CAD: variants seen among roughly 807,000 people sequenced by gnomAD.
CAD encodes multifunctional protein CAD.
A neutral mutation model predicts 237.2 loss-of-function variants in CAD; 81 were observed. The ratio of observed to expected loss-of-function variants is 0.34; its 90% CI spans 0.29 to 0.41. The LOEUF (loss-of-function observed/expected upper bound fraction) is 0.41. Ranked by LOEUF, CAD falls within the 10% of genes least tolerant of loss-of-function variation. The probability of loss-of-function intolerance (pLI) is 1.00; values close to 1 mark genes in which losing one functional copy is unlikely to be tolerated. For missense variants in CAD, 2,181 were observed against 2,951.7 expected, an observed-to-expected ratio of 0.74 and a Z score of 6.05; for synonymous variants, 1,196 against 1,162.8, an observed-to-expected ratio of 1.03 and a Z score of -0.58.
At chr2:27,224,917 A>G in intron 10 of CAD, 41 bp downstream of exon 10, 5 of 1,612,500 alleles carry the variant, frequency 3.1e-6, no homozygotes, top group Non-Finnish European at 4.2e-6. Context: ...AGGACTGGGC[A>G]GGGGGGCCCA....
chr2:27,223,439 A>C (rs1675278422), intron 6 of CAD, 124 bp from the exon 7 acceptor site: 1 of 949,168 alleles, frequency 1.1e-6, no homozygotes, highest in South Asian at 1.7e-5. Context: ...TCAAAAAAAA[A>C]AAAAAAACAA....
At chr2:27,227,000 C>T (rs931258076) in intron 15 of CAD, 38 bp downstream of exon 15, 3 of 1,598,430 alleles carry the variant, frequency 1.9e-6, no homozygotes, top group African/African-American at 2.7e-5. Context: ...TGGGGCCCCA[C>T]CATGACCAAG....
intron 2 of CAD, among the ~76,000 whole-genome samples, chr2:27,219,878 C>T (rs774473103): frequency 3.3e-5 from 5 of 152,170 alleles, no homozygotes; most frequent in East Asian, 3.8e-4. Flanking sequence ...CGTGAGCCAC[C>T]GCGCCTGGCC....
chr2:27,241,315 T>G lies in CAD; in HGVS notation c.5809-7T>G. The stretch of plus-strand genomic sequence containing the variant: ...GACCTTTCTAGCTAACTTGGGCTCT[T>G]TCTTAGATGTCTCACCTGTTCAATG... On this transcript the variant is annotated splice_polypyrimidine_tract_variant and splice_region_variant and intron_variant, in intron 37 of 43. Coordinates refer to ENST00000264705, the MANE Select transcript of CAD (RefSeq NM_004341.5). This position sits in a 1 kb window ranked among gnomAD's most constrained non-coding sequence, Gnocchi z 4.6. 1.2e-6 allele frequency: 2 copies of G among 1,614,126 alleles called. No individual in the cohort carries two copies. The highest frequency in any genetic ancestry group is 1.7e-6 in the Non-Finnish European group (2 of 1,180,022).
chr2:27,221,081 T>A, intron 2 of CAD, 137 bp from the exon 3 acceptor site: 1 of 566,836 alleles, frequency 1.8e-6, no homozygotes, highest in Non-Finnish European at 2.8e-6. Flanking sequence ...GAAATACCTA[T>A]GCAAAAGCAC....
At position 27,224,854 on chromosome 2, in the gene CAD, T is replaced by C; in HGVS notation, c.1364T>C (p.Ile455Thr). ...GLADKVYFLP[I>T]TPHYVTQVIR... The stretch of plus-strand genomic sequence containing the variant: ...GCCGACAAGGTCTATTTTCTTCCCA[T>C]AACACCTCATTATGTAACCCAGGTA... The change falls in exon 10 of 44, where the codon ATA becomes ACA. Residue 455 changes from isoleucine to threonine, a missense_variant. This residue lies in a region of CAD where 174 missense variants were observed against 215.8 expected (regional missense o/e 0.81). Transcript: ENST00000264705. The C allele has an allele frequency of 1.2e-6, 2 of 1,614,166 alleles. No homozygotes were observed. The highest frequency in any genetic ancestry group is 1.7e-6 in the Non-Finnish European group (2 of 1,180,030).
intron 15 of CAD, among the ~76,000 whole-genome samples, chr2:27,229,071 A>G (rs934515897): frequency 1.1e-4 from 16 of 151,368 alleles, no homozygotes; most frequent in African/African-American, 3.4e-4. Context: ...GGCGCGCACA[A>G]CCACGCCCAG....
intron 1 of CAD, 65 bp from the exon 2 acceptor site, chr2:27,217,812 C>A: frequency 6.6e-7 from 1 of 1,525,510 alleles, no homozygotes; most frequent in Non-Finnish European, 8.8e-7. Flanking sequence ...CTGGGGCGTG[C>A]TCATCGCGCG....
In CAD at chr2:27,224,369, T is replaced by A; in HGVS notation, c.1133T>A (p.Leu378His). ...GTTAGAGAGCGGCTGACTGAGCGCC[T>A]CTGTCCCCCTGGGATTCCCACTCCC... ...QTVRERLTER[L>H]CPPGIPTPGS... The change falls in exon 9 of 44, where the codon CTC (leucine) becomes CAC (histidine). Residue 378 changes from leucine to histidine, a missense_variant. Around this residue, in one of 12 missense-constraint regions of CAD, gnomAD observed 129 missense variants for 143.3 expected, o/e 0.90. Coordinates refer to ENST00000264705, the MANE Select transcript of CAD (RefSeq NM_004341.5). The A allele has an allele frequency of 1.2e-6, 2 of 1,614,208 alleles. No individual in the cohort carries two copies. The highest frequency in any genetic ancestry group is 8.5e-7 in the Non-Finnish European group (1 of 1,180,040).
Position 27,240,468 on chromosome 2 carries a change from C to A in CAD, c.5593+107C>A. ...CATGTCCTCCTCTCCATCCCTTTAT[C>A]CTCGTCTGATCTGCCGTGCCATCCT... On this transcript the variant is annotated intron_variant, in intron 35 of 43. Coordinates refer to ENST00000264705, the MANE Select transcript of CAD (RefSeq NM_004341.5). The surrounding 1 kb of genome is among the most constrained non-coding windows in gnomAD (Gnocchi z 4.6). 1 of 1,485,976 alleles carries A rather than the reference C, an allele frequency of 6.7e-7. No individual in the cohort carries two copies. Among genetic ancestry groups the A allele is most frequent in the Non-Finnish European group, 9.3e-7 (1 of 1,070,412 alleles). The allele number at this position is 1,485,976 out of a possible 1,614,324, so 92.0% of individuals were successfully genotyped here.
intron 3 of CAD, 91 bp downstream of exon 3, chr2:27,221,438 C>G: frequency 8.6e-7 from 1 of 1,166,494 alleles, no homozygotes. Context: ...GGACCTGACT[C>G]TAAGATTGTG....
Position 27,235,188 on chromosome 2 carries a change from G to A in CAD, c.3787-57G>A. The A allele has an allele frequency of 6.8e-7, 1 of 1,478,062 alleles. No homozygotes were observed. The highest frequency in any genetic ancestry group is 9.2e-7 in the Non-Finnish European group (1 of 1,085,606). The allele number at this position is 1,478,062 out of a possible 1,614,324, so 91.6% of individuals were successfully genotyped here. On this transcript the variant is annotated intron_variant, in intron 23 of 43. Coordinates refer to ENST00000264705, the MANE Select transcript of CAD (RefSeq NM_004341.5). The surrounding 1 kb of genome is among the most constrained non-coding windows in gnomAD (Gnocchi z 5.2). Reference sequence around the variant, plus strand: ...CAGGGTACTGTGTCCGTCTCTGCTGGTGAGGGAGGAGGTCCTCTCACACCT... The same window carrying A: ...CAGGGTACTGTGTCCGTCTCTGCTGATGAGGGAGGAGGTCCTCTCACACCT...
In CAD at chr2:27,243,411, T is replaced by G. The variant is rs777480937; in HGVS notation, c.6576-5T>G. On this transcript the variant is annotated splice_region_variant and splice_polypyrimidine_tract_variant and intron_variant, in intron 43 of 43. Coordinates refer to ENST00000264705, the MANE Select transcript of CAD (RefSeq NM_004341.5). ...CTTCCTTTTTTTTTTTTTTTTTTTT[T>G]GCAGCGTGGAAGTGGACTCGGATCC... 14 of 1,444,550 alleles carry G rather than the reference T, an allele frequency of 9.7e-6. No individual in the cohort carries two copies. The highest frequency in any genetic ancestry group is 6.3e-5 in the Admixed American group (3 of 47,314). 89.5% of individuals were successfully genotyped at this position (1,444,550 alleles called of 1,614,324 possible). A position where few individuals can be genotyped will look rare whatever the true frequency, so the allele number is the denominator to read the frequency against.
intron 42 of CAD, 34 bp downstream of exon 42, chr2:27,243,007 G>A (rs1301893905): frequency 1.3e-6 from 2 of 1,527,934 alleles, no homozygotes; most frequent in South Asian, 2.4e-5. Flanking sequence ...AGCCAGGGCT[G>A]CTGCCGTAGG....
rs763169740 is a variant in CAD, at chr2:27,240,292, C to G, written c.5524C>G (p.Pro1842Ala). ...TTPERPRRGI[P>A]GLPDGRFHLP... ...ACCTGAAAGACCCCGCCGTGGCATC[C>G]CAGGGCTTCCTGATGGCCGCTTCCA... The change falls in exon 35 of 44, where the codon CCA becomes GCA. Residue 1842 changes from proline (P) to alanine (A), a missense_variant. Transcript: ENST00000264705. The surrounding 1 kb of genome is among the most constrained non-coding windows in gnomAD (Gnocchi z 4.6). The G allele has an allele frequency of 6.2e-7, 1 of 1,614,106 alleles. No homozygotes were observed. The highest frequency in any genetic ancestry group is 8.5e-7 in the Non-Finnish European group (1 of 1,180,008).
At chr2:27,227,054 T>A (rs1160357335) in intron 15 of CAD, 92 bp downstream of exon 15, 1 of 1,104,026 alleles carries the variant, frequency 9.1e-7, no homozygotes, top group Admixed American at 1.8e-5. Flanking sequence ...TTTTACGTCC[T>A]ATGGGAGCAG....
chr2:27,234,800 G>T (rs558814376), intron 23 of CAD, 115 bp downstream of exon 23: 7 of 1,004,266 alleles, frequency 7.0e-6, no homozygotes, highest in Non-Finnish European at 1.0e-5. Flanking sequence ...TTGCCGGATC[G>T]TGGGGGTAAT....
chr2:27,222,811 G>C lies in CAD; in HGVS notation c.638-55G>C, dbSNP rs1029175636. 8.2e-6 allele frequency: 13 copies of C among 1,593,308 alleles called. No homozygotes were observed. The Admixed American group carries it at 1.5e-4, about 18-fold the overall frequency. On this transcript the variant is annotated intron_variant, in intron 5 of 43. Transcript: ENST00000264705. Reference sequence around the variant, plus strand: ...CTCATGGGCTGGGGGGGCTGCAGGTGTGTCTCCTGTAATTGAAATACTGAT... The same window carrying C: ...CTCATGGGCTGGGGGGGCTGCAGGTCTGTCTCCTGTAATTGAAATACTGAT...
At chr2:27,226,358 C>T in intron 13 of CAD, 39 bp downstream of exon 13, 2 of 1,593,824 alleles carry the variant, frequency 1.3e-6, no homozygotes, top group Non-Finnish European at 1.7e-6. Context: ...CTAGTTGTTA[C>T]CCCCTCTTCT....
Sources: allele counts gnomAD v4.1 joint callset (sites outside exome capture counted in the v4.1 genomes callset), GRCh38; gene constraint gnomAD v4.1.1; regional missense constraint gnomAD v4.1.1; non-coding constraint Gnocchi (gnomAD v3.1); transcripts MANE v1.5; gene names NCBI Gene and HGNC (gene_info 2026-07-23, HGNC 2026-07-21).